XIAP: variants seen among roughly 807,000 people sequenced by gnomAD.
The protein encoded by XIAP is X-linked inhibitor of apoptosis.
A neutral mutation model predicts 33.1 loss-of-function variants in XIAP; 3 were observed. The ratio of observed to expected loss-of-function variants is 0.09; its 90% CI spans 0.04 to 0.23. The LOEUF is 0.23. XIAP is among the 10% of genes least tolerant of loss of function. The pLI is 1.00. For synonymous variants in XIAP, 98 were observed against 121.3 expected, an observed-to-expected ratio of 0.81 and a Z score of 1.26; for missense variants, 264 against 363.0, an observed-to-expected ratio of 0.73 and a Z score of 2.22.
rs764285899 is a variant in XIAP at position 123,886,365 on chromosome X, C to T, written c.703C>T (p.Leu235Phe). 4 of 1,210,399 alleles carry T rather than the reference C, an allele frequency of 3.3e-6. No individual in the cohort carries two copies. Among genetic ancestry groups the T allele is most frequent in the Admixed American group, 2.2e-5 (1 of 45,658 alleles). ...PNCFFVLGRN[L>F]NIRSESDAVS... Reference sequence around the variant, plus strand: ...TTGCTTCTTTGTTTTGGGCCGGAATCTTAATATTCGAAGTGAATCTGATGC... The same window carrying T: ...TTGCTTCTTTGTTTTGGGCCGGAATTTTAATATTCGAAGTGAATCTGATGC... Residue 235 changes from leucine (L) to phenylalanine (F), a missense_variant, in exon 2 of 7, where the codon CTT becomes TTT. Leu to Phe is a conservative substitution (Grantham distance 22, BLOSUM62 0). Coordinates refer to ENST00000371199, the MANE Select transcript of XIAP (RefSeq NM_001167.4).
intron 5 of XIAP, among the ~76,000 whole-genome samples, chrX:123,900,265 A>G (rs770961268): frequency 9.8e-5 from 11 of 112,059 alleles, no homozygotes; most frequent in Admixed American, 1.9e-4. Flanking sequence ...ACACTACAAA[A>G]TACATACTCA....
chrX:123,906,103 A>G (rs2053553967), intron 6 of XIAP, among the ~76,000 whole-genome samples: 1 of 113,113 alleles, frequency 8.8e-6, no homozygotes, highest in Non-Finnish European at 1.9e-5. Flanking sequence ...TATTTATGCA[A>G]TATTACTGGT....
intron 4 of XIAP, among the ~76,000 whole-genome samples, chrX:123,891,762 C>T (rs1233040270): frequency 9.9e-6 from 1 of 101,105 alleles, no homozygotes. Flanking sequence ...TCAGAGGATT[C>T]AGTGAGCCAG....
At chrX:123,888,534 T>C (rs1258634449) in intron 2 of XIAP, 85 bp from the exon 3 acceptor site, 2 of 810,061 alleles carry the variant, frequency 2.5e-6, no homozygotes, top group African/African-American at 4.0e-5. Flanking sequence ...GTTTTTTAGA[T>C]GTGCTTAATT....
At chrX:123,879,385 C>T (rs1432312974) in intron 1 of XIAP, 5 of 99,780 alleles carry the variant, frequency 5.0e-5, no homozygotes, top group African/African-American at 1.5e-4. Context: ...GGCACAATCT[C>T]GGCTCACTGC....
chrX:123,897,142 C>T (rs926833824), intron 5 of XIAP, among the ~76,000 whole-genome samples: 3 of 108,707 alleles, frequency 2.8e-5, no homozygotes, highest in Non-Finnish European at 5.7e-5. Context: ...TGTTGAGGCT[C>T]GTCTCGAACT....
intron 2 of XIAP, 135 bp from the exon 3 acceptor site, chrX:123,888,484 G>A: frequency 1.8e-6 from 1 of 561,397 alleles, no homozygotes; most frequent in Non-Finnish European, 3.1e-6. Context: ...TTACTTAGAT[G>A]TGAATTTGAA....
At chrX:123,899,099 G>T (rs1364992027) in intron 5 of XIAP, among the ~76,000 whole-genome samples, 3 of 64,127 alleles carry the variant, frequency 4.7e-5, no homozygotes, top group African/African-American at 6.3e-5. Context: ...CGGCCTGGGT[G>T]ACAGAGCGAG....
intron 1 of XIAP, among the ~76,000 whole-genome samples, chrX:123,864,557 C>T (rs1346132816): frequency 1.9e-5 from 2 of 103,218 alleles, no homozygotes; most frequent in Non-Finnish European, 3.9e-5. Context: ...GGCACTGCCT[C>T]CCGGCTTCAC....
chrX:123,905,037 G>A (rs1274127307), intron 6 of XIAP, among the ~76,000 whole-genome samples: 4 of 111,810 alleles, frequency 3.6e-5, no homozygotes, highest in Non-Finnish European at 7.5e-5. Context: ...TGCATTCCAT[G>A]TTTGAGCCTA....
chrX:123,864,461 T>TG (rs1364808773), intron 1 of XIAP, among the ~76,000 whole-genome samples: 2 of 85,949 alleles, frequency 2.3e-5, no homozygotes, highest in African/African-American at 8.8e-5. Context: ...TTCTGTTTTT[T>TG]TTTTTTTTTT....
At chrX:123,862,084 A>T (rs930632381) in intron 1 of XIAP, among the ~76,000 whole-genome samples, 1 of 107,059 alleles carries the variant, frequency 9.3e-6, no homozygotes, top group African/African-American at 3.4e-5. Context: ...TAATTAATTA[A>T]TTTTTTTTTT....
At chrX:123,866,710 A>C (rs1297041893) in intron 1 of XIAP, among the ~76,000 whole-genome samples, 2 of 105,587 alleles carry the variant, frequency 1.9e-5, no homozygotes, top group African/African-American at 6.8e-5. Context: ...GACAGAGTCT[A>C]GCTCTGTCAC....
At chrX:123,883,650 C>G (rs1469833916) in intron 1 of XIAP, among the ~76,000 whole-genome samples, 3 of 109,602 alleles carry the variant, frequency 2.7e-5, no homozygotes, top group Admixed American at 2.0e-4. Flanking sequence ...GCATGCTCCA[C>G]CACGCCCAGC....
At position 123,908,020 on chromosome X, in the gene XIAP, T is replaced by C. The variant is rs1160551248; in HGVS notation, c.*839T>C. 1 of 371,769 alleles carries C rather than the reference T, an allele frequency of 2.7e-6. No individual in the cohort carries two copies. The highest frequency in any genetic ancestry group is 8.0e-4 in the Middle Eastern group (1 of 1,246). 30.6% of individuals were successfully genotyped at this position (371,769 alleles called of 1,213,427 possible). On this transcript the variant is annotated 3_prime_UTR_variant, in exon 7 of 7. Coordinates refer to ENST00000371199, the MANE Select transcript of XIAP (RefSeq NM_001167.4). ...TAGGGGCCTTTTCACTTTCTACTTT[T>C]TTCATTTTGTTCTGTTCGAATTTTT...
rs370447539 is a variant in XIAP at position 123,885,842 on chromosome X, C to T, written c.180C>T (p.Thr60=). The part of the protein sequence containing the change: ...AGFLYTGEGD[T]VRCFSCHAAV... ...TTCTTTATACTGGTGAAGGAGATAC[C>T]GTGCGGTGCTTTAGTTGTCATGCAG... The change falls in exon 2 of 7, where the codon ACC becomes ACT. Residue 60 remains threonine, a synonymous_variant. Coordinates refer to ENST00000371199, the MANE Select transcript of XIAP (RefSeq NM_001167.4). 9.9e-6 allele frequency: 12 copies of T among 1,210,107 alleles called. No individual in the cohort carries two copies. The highest frequency in any genetic ancestry group is 3.0e-5 in the East Asian group (1 of 33,779).
At chrX:123,861,223 A>C (rs1299634817) in intron 1 of XIAP, among the ~76,000 whole-genome samples, 1 of 111,784 alleles carries the variant, frequency 8.9e-6, no homozygotes, top group African/African-American at 3.3e-5. Context: ...AGGCTATCCA[A>C]CTAGTTAGAT....
chrX:123,894,775 A>G (rs1221272171), intron 5 of XIAP, among the ~76,000 whole-genome samples: 1 of 108,702 alleles, frequency 9.2e-6, no homozygotes, highest in Non-Finnish European at 1.9e-5. Flanking sequence ...ACCTCAAAAA[A>G]AAAAAGAAAA....
At chrX:123,885,330 TATA>T (rs1276592825) in intron 1 of XIAP, among the ~76,000 whole-genome samples, 3 of 112,079 alleles carry the variant, frequency 2.7e-5, no homozygotes, top group Non-Finnish European at 5.6e-5. Context: ...GGTTAATAAT[TATA>T]ATATATTCTG....
Sources: gnomAD v4.1 joint callset for allele counts (sites outside exome capture counted in the v4.1 genomes callset) on GRCh38, gnomAD v4.1.1 for gene constraint, MANE v1.5 for transcripts, NCBI Gene and HGNC (gene_info 2026-07-23, HGNC 2026-07-21) for gene names.